The following CSMD2 variants were observed in gnomAD, a reference collection of about 807,000 sequenced individuals.
CSMD2 encodes CUB and Sushi multiple domains 2.
CSMD2 carries 130 observed loss-of-function variants against 398.5 expected under a neutral mutation model. The observed-to-expected ratio is 0.33, with a 90% confidence interval of 0.28 to 0.38. The LOEUF (loss-of-function observed/expected upper bound fraction) is 0.38, where lower values mean the gene tolerates loss of function less well. CSMD2 is among the 10% of genes least tolerant of loss of function. The pLI is 1.00. For missense variants in CSMD2, 3,829 were observed against 4,764.9 expected (o/e 0.80, Z 5.78); for synonymous variants, 1,828 against 1,908.5 (o/e 0.96, Z 1.10).
rs115596717 is a variant in CSMD2 at position 34,150,303 on chromosome 1, T to G, written c.187+14608A>C. Among the ~76,000 whole-genome samples, 658 of 152,246 alleles carry G rather than the reference T, an allele frequency of 4.3e-3. 5 individuals are homozygous for G. Among genetic ancestry groups the G allele is most frequent in the African/African-American group, 0.015 (623 of 41,554 alleles). ...TATTACTATGCTGCCCAGGTTGGTC[T>G]TGAACTACTGGCCTCAAGCAAGTCT... is the stretch of plus-strand genomic sequence containing the variant. On this transcript the variant is annotated intron_variant, in intron 1 of 70. Coordinates refer to ENST00000373381, the MANE Select transcript of CSMD2 (RefSeq NM_001281956.2).
intron 13 of CSMD2, among the ~76,000 whole-genome samples, chr1:33,749,481 A>G (rs907722233): frequency 6.6e-6 from 1 of 152,204 alleles, no homozygotes; most frequent in African/African-American, 2.4e-5. Context: ...ATGATTAAAC[A>G]ATAAAGAAAT....
rs557720437 is a variant in CSMD2, at chr1:34,147,918, G to A, written c.187+16993C>T. The stretch of plus-strand genomic sequence containing the variant: ...AGGTTGTTCAAGAGAGTGAGCGGGT[G>A]AGGCTGCCACAGAGATGAGAATGGC... On this transcript the variant is annotated intron_variant, in intron 1 of 70. Coordinates refer to ENST00000373381, the MANE Select transcript of CSMD2 (RefSeq NM_001281956.2). Among the ~76,000 whole-genome samples, 130 of 152,284 alleles carry A rather than the reference G, an allele frequency of 8.5e-4. 2 individuals carry two copies. In the South Asian group the frequency reaches 0.018, roughly 21 times the overall value.
At chr1:33,992,433 C>A (rs1485974354) in intron 3 of CSMD2, among the ~76,000 whole-genome samples, 1 of 151,942 alleles carries the variant, frequency 6.6e-6, no homozygotes, top group Non-Finnish European at 1.5e-5. Context: ...TTCTTGAACT[C>A]CTGGGCTCAA....
At chr1:33,836,159 C>T (rs576018344) in intron 6 of CSMD2, among the ~76,000 whole-genome samples, 6 of 152,278 alleles carry the variant, frequency 3.9e-5, no homozygotes, top group South Asian at 2.1e-4. Flanking sequence ...GTATCAGCAG[C>T]GAAGCCTGCA....
intron 3 of CSMD2, among the ~76,000 whole-genome samples, chr1:34,011,591 T>A (rs939439725): frequency 6.6e-6 from 1 of 152,108 alleles, no homozygotes; most frequent in Admixed American, 6.6e-5. Flanking sequence ...TAATTTTTAA[T>A]TTTTGTTGAG....
chr1:34,087,859 ATGAT>A (rs1658084897), intron 2 of CSMD2, among the ~76,000 whole-genome samples: 1 of 152,134 alleles, frequency 6.6e-6, no homozygotes, highest in African/African-American at 2.4e-5. Flanking sequence ...TGTGGAATGA[ATGAT>A]TGAAGAGGAC....
chr1:33,698,969 T>C (rs1452713915), intron 23 of CSMD2, 25 bp from the exon 24 acceptor site: 1 of 1,590,248 alleles, frequency 6.3e-7, no homozygotes, highest in Non-Finnish European at 8.6e-7. Context: ...AGAGGTAGAG[T>C]GAGTAAGACC....
In CSMD2 at chr1:33,619,284, C is replaced by T. The variant is rs12027148; in HGVS notation, c.5828-1667G>A. The stretch of plus-strand genomic sequence containing the variant: ...GAATGTGGGAGATGGCAGCCTTGGC[C>T]CTTCTGGAGGCTCCCTTGGGGGATA... On this transcript the variant is annotated intron_variant, in intron 37 of 70. Transcript: ENST00000373381. 2.4e-4 allele frequency among the ~76,000 whole-genome samples: 37 copies of T among 152,314 alleles called. No individual in the cohort carries two copies. In the East Asian group the frequency reaches 7.0e-3, roughly 29 times the overall value.
At chr1:33,698,674 C>T in intron 24 of CSMD2, 79 bp downstream of exon 24, 1 of 1,376,204 alleles carries the variant, frequency 7.3e-7, no homozygotes. Flanking sequence ...AGCATGGGGT[C>T]TAACTGGAAT....
intron 1 of CSMD2, among the ~76,000 whole-genome samples, chr1:34,100,798 G>C (rs1659864863): frequency 6.6e-6 from 1 of 152,210 alleles, no homozygotes; most frequent in South Asian, 2.1e-4. Flanking sequence ...TAGATCTGGT[G>C]ATAGGATGCT....
intron 13 of CSMD2, among the ~76,000 whole-genome samples, chr1:33,748,124 C>T (rs894409624): frequency 6.6e-6 from 1 of 152,186 alleles, no homozygotes; most frequent in Non-Finnish European, 1.5e-5. Context: ...CTCTGTCTTC[C>T]ATCTCAAAAG....
chr1:34,052,495 C>CTGTGTGTGTGTGTGTGTGTGTG lies in CSMD2; in HGVS notation c.405-19811_405-19790dup, dbSNP rs143571706. 5.7e-4 allele frequency among the ~76,000 whole-genome samples: 77 copies of CTGTGTGTGTGTGTGTGTGTGTG among 134,172 alleles called. 2 individuals carry two copies. The highest frequency in any genetic ancestry group is 2.0e-3 in the African/African-American group (71 of 34,988). 88.0% of individuals were successfully genotyped at this position (134,172 alleles called of 152,430 possible). ...GAGAAATCAATCCCCTATGGGACAACTGTGTGTGTGTGTGTGTGTGTGTGT... is the reference window on the plus strand; with the variant it reads ...GAGAAATCAATCCCCTATGGGACAACTGTGTGTGTGTGTGTGTGTGTGTGTGTGTGTGTGTGTGTGTGTGTGT... On this transcript the variant is annotated intron_variant, in intron 2 of 70. Transcript: ENST00000373381.
chr1:34,021,744 C>T (rs1648918096), intron 3 of CSMD2, among the ~76,000 whole-genome samples: 1 of 152,174 alleles, frequency 6.6e-6, no homozygotes, highest in African/African-American at 2.4e-5. Flanking sequence ...GGTAAAGAGT[C>T]CCCACCTGAA....
Position 33,635,082 on chromosome 1 carries a change from C to A in CSMD2, c.5086+132G>T. Reference sequence around the variant, plus strand: ...TGAGAAACGTCAGCACTCGGCCGTCCTTTTGGGGAGACTGTTCTGCGATTC... The same window carrying A: ...TGAGAAACGTCAGCACTCGGCCGTCATTTTGGGGAGACTGTTCTGCGATTC... On this transcript the variant is annotated intron_variant, in intron 31 of 70. Coordinates refer to ENST00000373381, the MANE Select transcript of CSMD2 (RefSeq NM_001281956.2). The surrounding 1 kb of genome is among the most constrained non-coding windows in gnomAD (Gnocchi z 5.0). 1.6e-6 allele frequency: 1 copy of A among 632,958 alleles called. No homozygotes were observed. The highest frequency in any genetic ancestry group is 2.9e-6 in the Non-Finnish European group (1 of 344,994). The allele number at this position is 632,958 out of a possible 1,614,324, so 39.2% of individuals were successfully genotyped here. A position where few individuals can be genotyped will look rare whatever the true frequency, so the allele number is the denominator to read the frequency against.
At chr1:33,641,154 G>A (rs1314394054) in intron 29 of CSMD2, among the ~76,000 whole-genome samples, 1 of 152,114 alleles carries the variant, frequency 6.6e-6, no homozygotes, top group East Asian at 1.9e-4. Flanking sequence ...TTTCTCAGAG[G>A]AGCCTGTTGT....
chr1:34,018,119 G>A (rs1416032397), intron 3 of CSMD2, among the ~76,000 whole-genome samples: 1 of 152,020 alleles, frequency 6.6e-6, no homozygotes, highest in Non-Finnish European at 1.5e-5. Flanking sequence ...GTTCATATAA[G>A]ACCTACTTTA....
intron 25 of CSMD2, among the ~76,000 whole-genome samples, chr1:33,687,589 G>A (rs1645099953): frequency 6.6e-6 from 1 of 152,060 alleles, no homozygotes; most frequent in African/African-American, 2.4e-5. Context: ...GAAGCATAAT[G>A]TATTCTGTTT....
intron 2 of CSMD2, among the ~76,000 whole-genome samples, chr1:34,065,189 G>A (rs1215697349): frequency 6.6e-6 from 1 of 152,060 alleles, no homozygotes; most frequent in East Asian, 1.9e-4. Context: ...TCTTAACTCT[G>A]AGAGTGTCTT....
chr1:33,725,398 G>A lies in CSMD2; in HGVS notation c.2646C>T (p.Phe882=), dbSNP rs138959095. The A allele has an allele frequency of 3.8e-4, 616 of 1,613,996 alleles. 1 individual carries two copies. The highest frequency in any genetic ancestry group is 4.8e-4 in the Non-Finnish European group (570 of 1,179,986). Residue 882 remains phenylalanine, a synonymous_variant, in exon 17 of 71, where the codon TTC becomes TTT. Transcript: ENST00000373381. The part of the protein sequence containing the change: ...ISTSNYLYLL[F]STDKSHSDIG... ...TGTCCGAGTGACTCTTGTCGGTAGA[G>A]AAGAGGAGGTAGAGGTAGTTGCTGG...
Sources: gnomAD v4.1 joint callset for allele counts (sites outside exome capture counted in the v4.1 genomes callset) on GRCh38, gnomAD v4.1.1 for gene constraint, Gnocchi (gnomAD v3.1) non-coding constraint, MANE v1.5 for transcripts, NCBI Gene and HGNC (gene_info 2026-07-23, HGNC 2026-07-21) for gene names.